The following ZNF641 variants were observed in gnomAD, a reference collection of about 807,000 sequenced individuals.
ZNF641 encodes the protein zinc finger protein 641.
A neutral mutation model predicts 46.2 loss-of-function variants in ZNF641; 26 were observed. That is an observed-to-expected ratio of 0.56 (90% CI 0.41 to 0.78). ZNF641 has a LOEUF of 0.78. ZNF641 is among the 30% of genes least tolerant of loss of function. The pLI is 0.00. For synonymous variants in ZNF641, 163 were observed against 187.9 expected (o/e 0.87, Z 1.09); for missense variants, 469 against 517.8 (o/e 0.91, Z 0.91).
downstream of ZNF641, among the ~76,000 whole-genome samples, chr12:48,335,489 C>A (rs908701756): frequency 1.6e-4 from 24 of 152,204 alleles, no homozygotes; most frequent in African/African-American, 5.8e-4. Context: ...AACTTTCATT[C>A]ATTCAGCAAA....
chr12:48,343,315 A>C lies in ZNF641; in HGVS notation c.933T>G (p.Cys311Trp). 6.2e-7 allele frequency: 1 copy of C among 1,613,994 alleles called. No individual in the cohort carries two copies. Among genetic ancestry groups the C allele is most frequent in the Non-Finnish European group, 8.5e-7 (1 of 1,179,994 alleles). ...LHDKTSRCSE[C>W]GKNFRCNSHL... is the part of the protein sequence containing the mutation. Reference sequence around the variant, plus strand: ...GGGAGTTGCATCGGAAATTCTTACCACACTCAGAGCACCTGCTGGTCTTGT... The same window carrying C: ...GGGAGTTGCATCGGAAATTCTTACCCCACTCAGAGCACCTGCTGGTCTTGT... The change falls in exon 6 of 6, where the codon TGT (cysteine) becomes TGG (tryptophan). Residue 311 changes from cysteine to tryptophan, a missense_variant. Physicochemically the swap from Cys to Trp is radical, Grantham distance 215 (BLOSUM62 -2). Transcript: ENST00000547026.
At chr12:48,348,599 G>A (rs1275679925) in intron 1 of ZNF641, among the ~76,000 whole-genome samples, 1 of 152,190 alleles carries the variant, frequency 6.6e-6, no homozygotes, top group Non-Finnish European at 1.5e-5. Flanking sequence ...GATTACTATA[G>A]GTAAAAGTCC....
intron 3 of ZNF641, among the ~76,000 whole-genome samples, chr12:48,346,079 T>G (rs1017615407): frequency 5.9e-5 from 9 of 152,204 alleles, no homozygotes; most frequent in Admixed American, 3.3e-4. Context: ...ATTTTTTTTG[T>G]GGTGTTAGTA....
In ZNF641 at chr12:48,347,921, G is replaced by A; in HGVS notation, c.170C>T (p.Ser57Phe). ...TGAGTTCTCACCCTTCTCCTGAAGG[G>A]ACTGTGGCTCCTCTTCAAGGTCACA... is the stretch of plus-strand genomic sequence containing the variant. ...LCCDLEEEPQ[S>F]LQEKAQSAPW... Residue 57 changes from serine to phenylalanine, a missense_variant, in exon 2 of 6, where the codon TCC (serine) becomes TTC (phenylalanine). Physicochemically the swap from Ser to Phe is radical, Grantham distance 155 (BLOSUM62 -2). This residue lies in a region of ZNF641 where 98 missense variants were observed against 105.7 expected (regional missense o/e 0.93). Coordinates refer to ENST00000547026, the MANE Select transcript of ZNF641 (RefSeq NM_001172681.2). 6.2e-7 allele frequency: 1 copy of A among 1,614,172 alleles called. No individual in the cohort carries two copies. Among genetic ancestry groups the A allele is most frequent in the Non-Finnish European group, 8.5e-7 (1 of 1,180,008 alleles).
In ZNF641 at chr12:48,344,603, A is replaced by G. The variant is rs1465741691; in HGVS notation, c.516T>C (p.Tyr172=). ...LEERDILRVT[Y]TGDGSEHEGD... Reference sequence around the variant, plus strand: ...AAGCCTATTCTAGGTTCTTACCTGTATATGTGACCCTCAGAATGTCCCTCT... The same window carrying G: ...AAGCCTATTCTAGGTTCTTACCTGTGTATGTGACCCTCAGAATGTCCCTCT... Residue 172 remains tyrosine (Y), a synonymous_variant, in exon 5 of 6, where the codon TAT becomes TAC. Coordinates refer to ENST00000547026, the MANE Select transcript of ZNF641 (RefSeq NM_001172681.2). 6.9e-6 allele frequency: 11 copies of G among 1,603,912 alleles called. No individual in the cohort carries two copies. The highest frequency in any genetic ancestry group is 9.4e-6 in the Non-Finnish European group (11 of 1,170,932).
chr12:48,344,385 T>C (rs2136179606), intron 5 of ZNF641: 2 of 390,098 alleles, frequency 5.1e-6, no homozygotes, highest in East Asian at 4.1e-5. Context: ...GGGAGTTTTA[T>C]TACTTTTCCA....
intron 1 of ZNF641, among the ~76,000 whole-genome samples, chr12:48,349,414 C>T (rs894383733): frequency 6.6e-6 from 1 of 152,270 alleles, no homozygotes; most frequent in African/African-American, 2.4e-5. Context: ...GAAAGGCTTC[C>T]AAGAGCAGTC....
chr12:48,340,103 A>G lies in ZNF641; in HGVS notation c.*2870T>C. 1.0e-6 allele frequency: 1 copy of G among 985,438 alleles called. No individual in the cohort carries two copies. Among genetic ancestry groups the G allele is most frequent in the Non-Finnish European group, 1.2e-6 (1 of 829,932 alleles). The allele number at this position is 985,438 out of a possible 1,614,324, so 61.0% of individuals were successfully genotyped here. On this transcript the variant is annotated 3_prime_UTR_variant, in exon 6 of 6. Coordinates refer to ENST00000547026, the MANE Select transcript of ZNF641 (RefSeq NM_001172681.2). ...TTGAGGCTGATTCCCTGTGGGAAAA[A>G]TCATTCAAATCTATTCACTCATCTG...
Position 48,348,003 on chromosome 12 carries a change from C to T in ZNF641, c.88G>A (p.Gly30Arg), listed in dbSNP as rs764257599. 4 of 1,614,224 alleles carry T rather than the reference C, an allele frequency of 2.5e-6. No individual in the cohort carries two copies. The East Asian group carries it at 8.9e-5, about 36-fold the overall frequency. Residue 30 changes from glycine (G) to arginine (R), a missense_variant, in exon 2 of 6, where the codon GGA becomes AGA. Gly to Arg is a moderately radical substitution (Grantham distance 125, BLOSUM62 -2). This residue lies in a region of ZNF641 where 98 missense variants were observed against 105.7 expected (regional missense o/e 0.93). Transcript: ENST00000547026. ...LDGAEPQVERGSQEERPWRTV... is the reference protein window; with the variant it reads ...LDGAEPQVERRSQEERPWRTV... ...CTCCATGGCCGCTCTTCCTGGCTTCCCCTTTCCACCTGGGGCTCTGCTCCA... is the reference window on the plus strand; with the variant it reads ...CTCCATGGCCGCTCTTCCTGGCTTCTCCTTTCCACCTGGGGCTCTGCTCCA...
At chr12:48,344,259 TAAC>T (rs1952800827) in intron 5 of ZNF641, among the ~76,000 whole-genome samples, 1 of 152,166 alleles carries the variant, frequency 6.6e-6, no homozygotes, top group African/African-American at 2.4e-5. Context: ...ATATCAACAA[TAAC>T]AACAACTAAC....
rs942139426 is a variant in ZNF641 at position 48,338,818 on chromosome 12, G to A, written c.*4155C>T. ...TTAGAAATCCCTTCCATGGCCCCTCGTTGGTCTCTAATCCAATTTTTATGT... is the reference window on the plus strand; with the variant it reads ...TTAGAAATCCCTTCCATGGCCCCTCATTGGTCTCTAATCCAATTTTTATGT... On this transcript the variant is annotated 3_prime_UTR_variant, in exon 6 of 6. Coordinates refer to ENST00000547026, the MANE Select transcript of ZNF641 (RefSeq NM_001172681.2). 2.6e-5 allele frequency: 4 copies of A among 152,086 alleles called. No homozygotes were observed. The highest frequency in any genetic ancestry group is 3.8e-4 in the East Asian group (2 of 5,204). 9.4% of individuals were successfully genotyped at this position (152,086 alleles called of 1,614,324 possible).
chr12:48,345,313 A>G (rs781413556), intron 4 of ZNF641, 32 bp downstream of exon 4: 43 of 1,611,904 alleles, frequency 2.7e-5, no homozygotes, highest in Admixed American at 5.0e-5. Flanking sequence ...CCAGAGTCCA[A>G]TCTTCTAGTG....
In ZNF641 at chr12:48,339,316, A is replaced by G. The variant is rs1254750441; in HGVS notation, c.*3657T>C. ...TGCTTGAAATATGAATCCCCTAGCC[A>G]GTGGTTCTCAAACTTTAGCTTGTAT... On this transcript the variant is annotated 3_prime_UTR_variant, in exon 6 of 6. Coordinates refer to ENST00000547026, the MANE Select transcript of ZNF641 (RefSeq NM_001172681.2). 1 of 152,212 alleles carries G rather than the reference A, an allele frequency of 6.6e-6. No individual in the cohort carries two copies. Among genetic ancestry groups the G allele is most frequent in the Non-Finnish European group, 1.5e-5 (1 of 68,044 alleles). The allele number at this position is 152,212 out of a possible 1,614,324, so 9.4% of individuals were successfully genotyped here.
rs1952815325 is a variant in ZNF641 at position 48,344,664 on chromosome 12, T to C, written c.455A>G (p.Glu152Gly). Residue 152 changes from glutamate (E) to glycine (G), a missense_variant, in exon 5 of 6, where the codon GAA becomes GGA. By Grantham distance (98) the Glu-to-Gly change is moderately conservative. Transcript: ENST00000547026. ...CTGGGGGTCAGGGACCCATTGTTCT[T>C]CTCCTCCTTCTAGTTGAGAAAGCAT... ...LDMLSQLEGG[E>G]EQWVPDPQDL... is the part of the protein sequence containing the mutation. 5.6e-6 allele frequency: 9 copies of C among 1,613,694 alleles called. No individual in the cohort carries two copies. Among genetic ancestry groups the C allele is most frequent in the Non-Finnish European group, 7.6e-6 (9 of 1,179,798 alleles).
chr12:48,343,221 G>T lies in ZNF641; in HGVS notation c.1027C>A (p.Pro343Thr), dbSNP rs1396884079. 2 of 1,614,106 alleles carry T rather than the reference G, an allele frequency of 1.2e-6. No homozygotes were observed. Among genetic ancestry groups the T allele is most frequent in the African/African-American group, 2.7e-5 (2 of 74,934 alleles). ...SCKGQEVGESPGTRKRQRAPP... is the reference protein window; with the variant it reads ...SCKGQEVGESTGTRKRQRAPP... ...GCACGCTGCCGTTTCCTTGTGCCAG[G>T]GCTCTCTCCAACCTCTTGGCCTTTG... is the stretch of plus-strand genomic sequence containing the variant. The change falls in exon 6 of 6, where the codon CCT becomes ACT. Residue 343 changes from proline to threonine, a missense_variant. Physicochemically the swap from Pro to Thr is conservative, Grantham distance 38 (BLOSUM62 -1). Transcript: ENST00000547026.
Position 48,340,976 on chromosome 12 carries a change from T to C in ZNF641, c.*1997A>G. On this transcript the variant is annotated 3_prime_UTR_variant, in exon 6 of 6. Transcript: ENST00000547026. ...CCATTTTGCCTTATTCATAGGATCA[T>C]AAGCAAGAGAACTGCATTCCAGGAA... 2 of 985,444 alleles carry C rather than the reference T, an allele frequency of 2.0e-6. No individual in the cohort carries two copies. The highest frequency in any genetic ancestry group is 2.4e-6 in the Non-Finnish European group (2 of 829,956). 61.0% of individuals were successfully genotyped at this position (985,444 alleles called of 1,614,324 possible).
At chr12:48,351,083 A>G (rs1230209258), upstream of ZNF641, 1 of 153,736 alleles carries the variant, frequency 6.5e-6, no homozygotes, top group East Asian at 2.0e-4. Context: ...GGCGCCCCCA[A>G]ACGCGAACCC....
intron 3 of ZNF641, among the ~76,000 whole-genome samples, chr12:48,345,844 C>A (rs917608274): frequency 7.2e-5 from 11 of 152,134 alleles, no homozygotes; most frequent in Non-Finnish European, 1.6e-4. Flanking sequence ...TCCACTGGAC[C>A]CTGCCTTTTC....
intron 2 of ZNF641, 75 bp from the exon 3 acceptor site, chr12:48,347,418 A>G: frequency 7.4e-7 from 1 of 1,355,368 alleles, no homozygotes; most frequent in Non-Finnish European, 9.9e-7. Flanking sequence ...CCCATTTTAG[A>G]GAGGCTTAAG....
Sources: allele counts gnomAD v4.1 joint callset (sites outside exome capture counted in the v4.1 genomes callset), GRCh38; gene constraint gnomAD v4.1.1; regional missense constraint gnomAD v4.1.1; transcripts MANE v1.5; gene names NCBI Gene and HGNC (gene_info 2026-07-23, HGNC 2026-07-21).